ABLIM2: variants seen among roughly 807,000 people sequenced by gnomAD.
ABLIM2 encodes the protein actin binding LIM protein family member 2.
In ABLIM2, 53 loss-of-function variants were observed where a neutral mutation model predicts 97.7. The observed-to-expected ratio is 0.54, with a 90% confidence interval of 0.44 to 0.68. The LOEUF (loss-of-function observed/expected upper bound fraction) is 0.68. Ranked by LOEUF, ABLIM2 falls within the 30% of genes least tolerant of loss-of-function variation. The pLI is 0.00. For synonymous variants in ABLIM2, 361 were observed against 345.8 expected (o/e 1.04, Z -0.49); for missense variants, 835 against 867.2 (o/e 0.96, Z 0.47).
rs945266684 is a variant in ABLIM2, at chr4:8,003,935, G to T, written c.1618+4124C>A. ...CTCACGTCTCTAAGCCTGAGGCCAGGTGCCCTGCCCGTCCCACCAGATATC... is the reference window on the plus strand; with the variant it reads ...CTCACGTCTCTAAGCCTGAGGCCAGTTGCCCTGCCCGTCCCACCAGATATC... On this transcript the variant is annotated intron_variant, in intron 16 of 20. Coordinates refer to ENST00000447017, the MANE Select transcript of ABLIM2 (RefSeq NM_001130083.2). This position sits in a 1 kb window ranked among gnomAD's most constrained non-coding sequence, Gnocchi z 4.2. 6.6e-6 allele frequency among the ~76,000 whole-genome samples: 1 copy of T among 152,070 alleles called. No individual in the cohort carries two copies. The highest frequency in any genetic ancestry group is 2.4e-5 in the African/African-American group (1 of 41,400).
chr4:8,101,051 C>T (rs1305019648), intron 2 of ABLIM2, among the ~76,000 whole-genome samples: 1 of 152,224 alleles, frequency 6.6e-6, no homozygotes, highest in Non-Finnish European at 1.5e-5. Context: ...CAGATGGGAA[C>T]AGGGACCACC....
rs1050689066 is a variant in ABLIM2 at position 8,140,403 on chromosome 4, C to T, written c.10+18277G>A. Reference sequence around the variant, plus strand: ...AGGAATCAGCCATGGCAGGGGATTTCATGCCAGGCAGGAACTTCGTGAAAC... The same window carrying T: ...AGGAATCAGCCATGGCAGGGGATTTTATGCCAGGCAGGAACTTCGTGAAAC... On this transcript the variant is annotated intron_variant, in intron 1 of 20. Transcript: ENST00000447017. This position sits in a 1 kb window ranked among gnomAD's most constrained non-coding sequence, Gnocchi z 5.9. 1.3e-5 allele frequency among the ~76,000 whole-genome samples: 2 copies of T among 152,120 alleles called. No homozygotes were observed. Among genetic ancestry groups the T allele is most frequent in the African/African-American group, 4.8e-5 (2 of 41,422 alleles).
Position 8,015,037 on chromosome 4 carries a change from C to T in ABLIM2, c.1423+4581G>A, listed in dbSNP as rs1018349883. ...CCAGGTTCAAGCAATTCTCGTACTTCAGCCTCCCGAGTAGCTGGGATTACA... is the reference window on the plus strand; with the variant it reads ...CCAGGTTCAAGCAATTCTCGTACTTTAGCCTCCCGAGTAGCTGGGATTACA... On this transcript the variant is annotated intron_variant, in intron 14 of 20. Transcript: ENST00000447017. The surrounding 1 kb of genome is among the most constrained non-coding windows in gnomAD (Gnocchi z 4.6). Among the ~76,000 whole-genome samples the T allele has an allele frequency of 2.0e-5, 3 of 152,068 alleles. No homozygotes were observed. Among genetic ancestry groups the T allele is most frequent in the East Asian group, 1.9e-4 (1 of 5,182 alleles).
intron 15 of ABLIM2, among the ~76,000 whole-genome samples, chr4:8,008,589 T>A (rs1762847696): frequency 6.6e-6 from 1 of 152,236 alleles, no homozygotes. Flanking sequence ...TGCAGCCTCC[T>A]TTTGTCATGA....
At chr4:8,010,727 TC>T in intron 14 of ABLIM2, 1 of 434,774 alleles carries the variant, frequency 2.3e-6, no homozygotes, top group Non-Finnish European at 3.1e-6. Context: ...CCAAGCCTGC[TC>T]AAGAAGCGCT....
rs59642291 is a variant in ABLIM2 at position 8,101,686 on chromosome 4, T to C, written c.155-4404A>G. 3.9e-3 allele frequency among the ~76,000 whole-genome samples: 593 copies of C among 152,200 alleles called. 12 individuals carry two copies. Among genetic ancestry groups the C allele is most frequent in the South Asian group, 7.9e-3 (38 of 4,810 alleles). On this transcript the variant is annotated intron_variant, in intron 2 of 20. Coordinates refer to ENST00000447017, the MANE Select transcript of ABLIM2 (RefSeq NM_001130083.2). ...TGGACTTGCTCAGTTCCACTTCCAA[T>C]AGGACCAGAAAATGCCCGCTCTCCC... is the stretch of plus-strand genomic sequence containing the variant.
Position 8,069,041 on chromosome 4 carries a change from G to T in ABLIM2, c.676-7987C>A, listed in dbSNP as rs779579577. ...GCCCAGCAAGGCCCCTTGAGATCTG[G>T]GCCCTCCCCAGACCTTCCACACCCT... On this transcript the variant is annotated intron_variant, in intron 6 of 20. Transcript: ENST00000447017. This position sits in a 1 kb window ranked among gnomAD's most constrained non-coding sequence, Gnocchi z 4.2. Among the ~76,000 whole-genome samples the T allele has an allele frequency of 6.6e-6, 1 of 152,212 alleles. No individual in the cohort carries two copies. Among genetic ancestry groups the T allele is most frequent in the Non-Finnish European group, 1.5e-5 (1 of 68,034 alleles).
chr4:8,109,567 G>C (rs2152777786), intron 1 of ABLIM2, among the ~76,000 whole-genome samples: 1 of 152,226 alleles, frequency 6.6e-6, no homozygotes, highest in South Asian at 2.1e-4. Flanking sequence ...CACCGATCTG[G>C]CCACCCATCC....
At chr4:8,078,961 C>A (rs570355439) in intron 5 of ABLIM2, among the ~76,000 whole-genome samples, 5 of 152,234 alleles carry the variant, frequency 3.3e-5, no homozygotes, top group Non-Finnish European at 5.9e-5. Flanking sequence ...AGTTTTTGCA[C>A]AGCTACTAGA....
chr4:8,062,506 C>G (rs980579116), intron 6 of ABLIM2, among the ~76,000 whole-genome samples: 1 of 151,168 alleles, frequency 6.6e-6, no homozygotes, highest in African/African-American at 2.4e-5. Flanking sequence ...GTGGCGCGAT[C>G]TTGGATCACT....
rs1035932014 is a variant in ABLIM2 at position 8,072,863 on chromosome 4, G to T, written c.675+4765C>A. Among the ~76,000 whole-genome samples, 2 of 152,180 alleles carry T rather than the reference G, an allele frequency of 1.3e-5. No homozygotes were observed. The highest frequency in any genetic ancestry group is 2.9e-5 in the Non-Finnish European group (2 of 68,030). ...GAGTGGGGAACGCAGGCCCTGCAAG[G>T]CCCCTGGGGAAGTAGGGAGGGGTCG... On this transcript the variant is annotated intron_variant, in intron 6 of 20. Coordinates refer to ENST00000447017, the MANE Select transcript of ABLIM2 (RefSeq NM_001130083.2). This position sits in a 1 kb window ranked among gnomAD's most constrained non-coding sequence, Gnocchi z 5.8.
At chr4:8,062,718 C>T (rs1435596920) in intron 6 of ABLIM2, among the ~76,000 whole-genome samples, 1 of 152,184 alleles carries the variant, frequency 6.6e-6, no homozygotes. Flanking sequence ...GGATTACAGG[C>T]ATGAGCCACC....
In ABLIM2 at chr4:8,033,308, C is replaced by T. The variant is rs1009910981; in HGVS notation, c.1047+2841G>A. On this transcript the variant is annotated intron_variant, in intron 10 of 20. Transcript: ENST00000447017. The surrounding 1 kb of genome is among the most constrained non-coding windows in gnomAD (Gnocchi z 4.5). ...AGAGAACGCCGTTCCCACAGCAGAG[C>T]GGGGAGGCACTCTGTTCACAGGAAC... Among the ~76,000 whole-genome samples the T allele has an allele frequency of 2.6e-5, 4 of 152,292 alleles. No individual in the cohort carries two copies. The highest frequency in any genetic ancestry group is 6.5e-5 in the Admixed American group (1 of 15,298).
At chr4:8,037,812 T>C (rs1342724066) in intron 9 of ABLIM2, among the ~76,000 whole-genome samples, 1 of 152,266 alleles carries the variant, frequency 6.6e-6, no homozygotes, top group African/African-American at 2.4e-5. Flanking sequence ...TGGCCTACCC[T>C]GGCCCACAGT....
rs957572583 is a variant in ABLIM2, at chr4:8,085,575, G to A, written c.454+2594C>T. ...CTCACATGGCTCTGGGGGTGCCCAC[G>A]CTGCAGCCCCGTCCACTCACGCGGG... On this transcript the variant is annotated intron_variant, in intron 4 of 20. Transcript: ENST00000447017. The surrounding 1 kb of genome is among the most constrained non-coding windows in gnomAD (Gnocchi z 6.1). Among the ~76,000 whole-genome samples, 219 of 145,932 alleles carry A rather than the reference G, an allele frequency of 1.5e-3. 2 individuals carry two copies. The highest frequency in any genetic ancestry group is 2.1e-3 in the Non-Finnish European group (144 of 67,064).
At chr4:7,973,936 G>T (rs1180050023) in intron 20 of ABLIM2, among the ~76,000 whole-genome samples, 1 of 152,216 alleles carries the variant, frequency 6.6e-6, no homozygotes, top group Non-Finnish European at 1.5e-5. Flanking sequence ...TCAGCTGACT[G>T]CAAGAGAAGG....
intron 20 of ABLIM2, among the ~76,000 whole-genome samples, chr4:7,980,589 C>T (rs574703974): frequency 2.4e-4 from 37 of 152,000 alleles, no homozygotes; most frequent in African/African-American, 7.0e-4. Flanking sequence ...GTGGTGGGTG[C>T]CTGTAGTCCC....
rs560028846 is a variant in ABLIM2 at position 8,004,169 on chromosome 4, A to G, written c.1618+3890T>C. Among the ~76,000 whole-genome samples, 47 of 151,604 alleles carry G rather than the reference A, an allele frequency of 3.1e-4. No homozygotes were observed. Among genetic ancestry groups the G allele is most frequent in the African/African-American group, 1.1e-3 (44 of 41,290 alleles). On this transcript the variant is annotated intron_variant, in intron 16 of 20. Coordinates refer to ENST00000447017, the MANE Select transcript of ABLIM2 (RefSeq NM_001130083.2). This position sits in a 1 kb window ranked among gnomAD's most constrained non-coding sequence, Gnocchi z 5.9. Reference sequence around the variant, plus strand: ...CGCTGTCTCCTAACCCTCCCTCCCAACGGGCTCCGAGACCAGGCAGCAGAG... The same window carrying G: ...CGCTGTCTCCTAACCCTCCCTCCCAGCGGGCTCCGAGACCAGGCAGCAGAG...
At position 7,970,835 on chromosome 4, in the gene ABLIM2, CG is replaced by C. The variant is rs1054663428; in HGVS notation, c.1825-3733del. On this transcript the variant is annotated intron_variant, in intron 20 of 20. Transcript: ENST00000447017. This position sits in a 1 kb window ranked among gnomAD's most constrained non-coding sequence, Gnocchi z 5.3. ...GCAGACCACAGCAACAGGGAGGGGC[CG>C]GGGGTGTCCCGAGCATGTGGGCTGG... 1.1e-4 allele frequency among the ~76,000 whole-genome samples: 17 copies of C among 151,976 alleles called. No homozygotes were observed. Among genetic ancestry groups the C allele is most frequent in the Admixed American group, 9.2e-4 (14 of 15,266 alleles).
Sources: gnomAD v4.1 joint callset for allele counts (sites outside exome capture counted in the v4.1 genomes callset) on GRCh38, gnomAD v4.1.1 for gene constraint, Gnocchi (gnomAD v3.1) non-coding constraint, MANE v1.5 for transcripts, NCBI Gene and HGNC (gene_info 2026-07-23, HGNC 2026-07-21) for gene names.